Variants in ITGB1 observed in about 807,000 individuals in gnomAD.
ITGB1 encodes the protein integrin subunit beta 1.
A neutral mutation model predicts 86.5 loss-of-function variants in ITGB1; 24 were observed. That is an observed-to-expected ratio of 0.28 (90% CI 0.20 to 0.39). The LOEUF is 0.39. Ranked by LOEUF, ITGB1 falls within the 10% of genes least tolerant of loss-of-function variation. ITGB1 has a pLI of 1.00. For missense variants in ITGB1, 556 were observed against 946.9 expected (o/e 0.59, Z 5.42); for synonymous variants, 323 against 316.8 (o/e 1.02, Z -0.21).
chr10:32,913,328 G>A (rs182159933), intron 11 of ITGB1, among the ~76,000 whole-genome samples: 13 of 152,340 alleles, frequency 8.5e-5, no homozygotes, highest in South Asian at 4.1e-4. Context: ...TTGACAAGTT[G>A]AGAGAAGAAG....
At chr10:32,902,897 G>A (rs1402091764) in intron 15 of ITGB1, among the ~76,000 whole-genome samples, 2 of 152,094 alleles carry the variant, frequency 1.3e-5, no homozygotes, top group Middle Eastern at 6.3e-3. Context: ...TCTGGGAATA[G>A]TATAAGAAAA....
intron 1 of ITGB1, among the ~76,000 whole-genome samples, chr10:32,953,198 T>C (rs2095045911): frequency 6.6e-6 from 1 of 152,196 alleles, no homozygotes; most frequent in African/African-American, 2.4e-5. Flanking sequence ...CACAAGCCAA[T>C]GCTGAGATTT....
chr10:32,903,385 A>C (rs1303124231), intron 15 of ITGB1, among the ~76,000 whole-genome samples: 1 of 151,676 alleles, frequency 6.6e-6, no homozygotes, highest in Middle Eastern at 3.2e-3. Flanking sequence ...AGGAAAAAAA[A>C]GAATTAAGGG....
chr10:32,927,942 T>C, intron 5 of ITGB1, 152 bp downstream of exon 5: 1 of 529,030 alleles, frequency 1.9e-6, no homozygotes, highest in African/African-American at 1.9e-5. Context: ...AACGTGTGAC[T>C]GGAATATCAA....
intron 11 of ITGB1, among the ~76,000 whole-genome samples, chr10:32,916,405 T>C (rs2094931675): frequency 6.6e-6 from 1 of 152,226 alleles, no homozygotes; most frequent in African/African-American, 2.4e-5. Flanking sequence ...AAATTGTCCC[T>C]GTTTGCAGAT....
At chr10:32,911,779 C>G in intron 12 of ITGB1, 107 bp downstream of exon 12, 1 of 1,425,348 alleles carries the variant, frequency 7.0e-7, no homozygotes. Flanking sequence ...AGGGGCGAGA[C>G]TGACCCTCAA....
chr10:32,912,552 G>C (rs915943599), intron 11 of ITGB1, among the ~76,000 whole-genome samples: 1 of 152,218 alleles, frequency 6.6e-6, no homozygotes, highest in Non-Finnish European at 1.5e-5. Context: ...CACCCATGGA[G>C]CCTCGCTCAC....
chr10:32,902,511 G>C (rs1394873945), intron 15 of ITGB1, among the ~76,000 whole-genome samples: 1 of 152,114 alleles, frequency 6.6e-6, no homozygotes, highest in Admixed American at 6.5e-5. Context: ...AGGCTTGAAA[G>C]CCAAGTGAGA....
intron 1 of ITGB1, among the ~76,000 whole-genome samples, chr10:32,939,632 T>C (rs1044042995): frequency 6.6e-6 from 1 of 152,128 alleles, no homozygotes; most frequent in Admixed American, 6.5e-5. Context: ...ACAGTAAAAG[T>C]ATGGTACAAA....
At chr10:32,908,290 G>C (rs769632084) in intron 15 of ITGB1, 78 bp downstream of exon 15, 1 of 1,308,798 alleles carries the variant, frequency 7.6e-7, no homozygotes, top group Non-Finnish European at 1.1e-6. Flanking sequence ...TAATCAGCCT[G>C]ACAGCTAATA....
Position 32,911,628 on chromosome 10 carries a change from T to A in ITGB1, c.1751A>T (p.Asn584Ile). 1.2e-6 allele frequency: 2 copies of A among 1,614,166 alleles called. No individual in the cohort carries two copies. The highest frequency in any genetic ancestry group is 8.5e-7 in the Non-Finnish European group (1 of 1,180,012). ...ACAGTCACATGCACTGCCAGTGTAG[T>A]TGGGGTTGCACTCACACACACGACA... is the stretch of plus-strand genomic sequence containing the variant. ...CKCRVCECNPNYTGSACDCSL... is the reference protein window; with the variant it reads ...CKCRVCECNPIYTGSACDCSL... Residue 584 changes from asparagine to isoleucine, a missense_variant, in exon 13 of 16, where the codon AAC (asparagine) becomes ATC (isoleucine). Transcript: ENST00000302278.
rs150509671 is a variant in ITGB1, at chr10:32,906,741, C to G, written c.2331+1627G>C. Reference sequence around the variant, plus strand: ...CAACCACCCCATACAAAACAGAGTACTGACTCCCTGTGACAGTTGAGAGAA... The same window carrying G: ...CAACCACCCCATACAAAACAGAGTAGTGACTCCCTGTGACAGTTGAGAGAA... On this transcript the variant is annotated intron_variant, in intron 15 of 15. Coordinates refer to ENST00000302278, the MANE Select transcript of ITGB1 (RefSeq NM_002211.4). Among the ~76,000 whole-genome samples the G allele has an allele frequency of 2.4e-3, 359 of 152,240 alleles. 2 individuals carry two copies. Among genetic ancestry groups the G allele is most frequent in the African/African-American group, 8.2e-3 (341 of 41,548 alleles).
At chr10:32,939,995 A>C (rs1240481385) in intron 1 of ITGB1, among the ~76,000 whole-genome samples, 1 of 152,124 alleles carries the variant, frequency 6.6e-6, no homozygotes, top group Non-Finnish European at 1.5e-5. Context: ...CCACTTCCTG[A>C]AGGACCTGGA....
chr10:32,920,301 C>T lies in ITGB1; in HGVS notation c.1213G>A (p.Val405Met). The T allele has an allele frequency of 1.2e-6, 2 of 1,613,520 alleles. No homozygotes were observed. Among genetic ancestry groups the T allele is most frequent in the Non-Finnish European group, 1.7e-6 (2 of 1,179,606 alleles). The change falls in exon 10 of 16, where the codon GTG becomes ATG. Residue 405 changes from valine (V) to methionine (M), a missense_variant. By Grantham distance (21) the Val-to-Met change is conservative. Transcript: ENST00000302278. ...CTTCCATTTTCCCCTGTTCCATTCACCCCGTTCTTGCAGTAAGATTTGTAA... is the reference window on the plus strand; with the variant it reads ...CTTCCATTTTCCCCTGTTCCATTCATCCCGTTCTTGCAGTAAGATTTGTAA... ...ISYKSYCKNG[V>M]NGTGENGRKC... is the part of the protein sequence containing the mutation.
intron 1 of ITGB1, among the ~76,000 whole-genome samples, chr10:32,940,662 T>C (rs1477528442): frequency 4.6e-5 from 7 of 152,222 alleles, no homozygotes; most frequent in Admixed American, 4.6e-4. Context: ...CCCAACCATA[T>C]ATGTGAAATT....
At chr10:32,939,096 A>C (rs1409159850) in intron 1 of ITGB1, among the ~76,000 whole-genome samples, 2 of 152,236 alleles carry the variant, frequency 1.3e-5, no homozygotes, top group East Asian at 3.9e-4. Flanking sequence ...GAACAACTGC[A>C]TTGGGTTTAC....
At chr10:32,903,079 C>T (rs1437595890) in intron 15 of ITGB1, among the ~76,000 whole-genome samples, 2 of 151,916 alleles carry the variant, frequency 1.3e-5, no homozygotes, top group South Asian at 4.2e-4. Flanking sequence ...AGGGCAGGCG[C>T]GGTGGCTCAT....
At chr10:32,908,736 T>C (rs2137163713) in intron 14 of ITGB1, among the ~76,000 whole-genome samples, 1 of 151,680 alleles carries the variant, frequency 6.6e-6, no homozygotes, top group South Asian at 2.1e-4. Flanking sequence ...TCTATATATA[T>C]AATTTATTTC....
chr10:32,928,042 A>C (rs2094970892), intron 5 of ITGB1, 52 bp downstream of exon 5: 1 of 1,002,084 alleles, frequency 1.0e-6, no homozygotes, highest in African/African-American at 1.6e-5. Context: ...ACAACATTTG[A>C]GAATTGCCAA....
Sources: gnomAD v4.1 joint callset for allele counts (sites outside exome capture counted in the v4.1 genomes callset) on GRCh38, gnomAD v4.1.1 for gene constraint, MANE v1.5 for transcripts, NCBI Gene and HGNC (gene_info 2026-07-23, HGNC 2026-07-21) for gene names.